Variants in PPARGC1A observed in about 807,000 individuals in gnomAD.
PPARGC1A encodes peroxisome proliferator-activated receptor gamma coactivator 1-alpha.
PPARGC1A carries 25 observed loss-of-function variants against 88.7 expected under a neutral mutation model. That is an observed-to-expected ratio of 0.28 (90% confidence interval 0.21 to 0.39). The LOEUF (loss-of-function observed/expected upper bound fraction) is 0.39. Among genes scored for constraint, PPARGC1A ranks in the 10% least tolerant of loss-of-function variants. The probability of loss-of-function intolerance (pLI) is 1.00; values close to 1 mark genes in which losing one functional copy is unlikely to be tolerated. For missense variants in PPARGC1A, 880 were observed against 968.7 expected, an observed-to-expected ratio of 0.91 and a Z score of 1.22; for synonymous variants, 363 against 355.6, an observed-to-expected ratio of 1.02 and a Z score of -0.24.
In PPARGC1A at chr4:23,867,301, G is replaced by A. The variant is rs1363032717; in HGVS notation, c.234+17451C>T. On this transcript the variant is annotated intron_variant, in intron 2 of 12. Coordinates refer to ENST00000264867, the MANE Select transcript of PPARGC1A (RefSeq NM_013261.5). ...ACTCCTGAAGGGAAAATTCTGTGTC[G>A]TAGGCATTATGTACTTAATACATCT... is the stretch of plus-strand genomic sequence containing the variant. Among the ~76,000 whole-genome samples, 7 of 152,136 alleles carry A rather than the reference G, an allele frequency of 4.6e-5. No individual in the cohort carries two copies. In the East Asian group the frequency reaches 5.8e-4, roughly 13 times the overall value.
At chr4:24,209,636 G>A in the PPARGC1A span, among the ~76,000 whole-genome samples, 29 of 152,156 alleles carry the variant, frequency 1.9e-4, no homozygotes, top group African/African-American at 6.0e-4. Context: ...ATGAACCTGT[G>A]CCCCTAACTT....
the PPARGC1A span, among the ~76,000 whole-genome samples, chr4:24,375,991 C>T: frequency 0.41 from 61,376 of 150,176 alleles, 13,134 homozygotes; most frequent in East Asian, 0.59. Flanking sequence ...AAATCATTTG[C>T]GTGGATTGTG....
At chr4:23,927,532 C>T in the PPARGC1A span, among the ~76,000 whole-genome samples, 349 of 152,150 alleles carry the variant, frequency 2.3e-3, no homozygotes, top group Middle Eastern at 6.8e-3. Context: ...CAAATTTAAG[C>T]TTGAGTTTTA....
the PPARGC1A span, among the ~76,000 whole-genome samples, chr4:23,974,038 G>C: frequency 6.6e-6 from 1 of 152,008 alleles, no homozygotes; most frequent in Non-Finnish European, 1.5e-5. Flanking sequence ...TCAAAGAGAG[G>C]GACTTCTGAT....
chr4:24,306,343 C>T, the PPARGC1A span, among the ~76,000 whole-genome samples: 1 of 151,950 alleles, frequency 6.6e-6, no homozygotes, highest in African/African-American at 2.4e-5. Flanking sequence ...AAGAAGGAAA[C>T]AGTTCAGTAC....
the PPARGC1A span, among the ~76,000 whole-genome samples, chr4:24,002,637 A>G: frequency 3.4e-5 from 5 of 148,638 alleles, no homozygotes; most frequent in Non-Finnish European, 7.4e-5. Flanking sequence ...CGATGACAAT[A>G]TTTTCCTAGC....
At chr4:23,829,388 A>G (rs925510076) in intron 4 of PPARGC1A, 75 bp downstream of exon 4, 12 of 1,513,006 alleles carry the variant, frequency 7.9e-6, no homozygotes, top group Middle Eastern at 1.9e-4. Context: ...AATACCTACA[A>G]ACTTATTTGT....
the PPARGC1A span, among the ~76,000 whole-genome samples, chr4:24,055,608 T>C: frequency 4.3e-4 from 65 of 152,234 alleles, no homozygotes; most frequent in Non-Finnish European, 7.5e-4. Flanking sequence ...GCAGAAAGAT[T>C]AAGAAAGCTA....
the PPARGC1A span, among the ~76,000 whole-genome samples, chr4:24,290,755 T>A: frequency 1.2e-4 from 18 of 151,938 alleles, 1 homozygote; most frequent in East Asian, 1.7e-3. Flanking sequence ...AAAAAAAAAA[T>A]TCAGTTAGTG....
At chr4:23,864,563 T>C (rs969362057) in intron 2 of PPARGC1A, among the ~76,000 whole-genome samples, 3 of 152,198 alleles carry the variant, frequency 2.0e-5, no homozygotes, top group Non-Finnish European at 2.9e-5. Context: ...AAGGAAATGA[T>C]GGAGGAAGAT....
At chr4:24,337,606 G>A in the PPARGC1A span, among the ~76,000 whole-genome samples, 2 of 149,920 alleles carry the variant, frequency 1.3e-5, no homozygotes, top group Non-Finnish European at 3.0e-5. Flanking sequence ...TAACATAACA[G>A]TTACTCTTTC....
At chr4:24,192,273 A>T in the PPARGC1A span, among the ~76,000 whole-genome samples, 1 of 152,164 alleles carries the variant, frequency 6.6e-6, no homozygotes, top group African/African-American at 2.4e-5. Context: ...CCATTTGCTC[A>T]CTGGTAACAG....
At chr4:23,928,292 G>C in the PPARGC1A span, among the ~76,000 whole-genome samples, 494 of 152,198 alleles carry the variant, frequency 3.2e-3, 2 homozygotes, top group African/African-American at 0.012. Context: ...AGGCTTCTAG[G>C]CTCTATTTCT....
the PPARGC1A span, among the ~76,000 whole-genome samples, chr4:23,913,283 G>T: frequency 2.1e-3 from 275 of 131,488 alleles, no homozygotes; most frequent in East Asian, 5.7e-3. Flanking sequence ...GAGAGAGAGA[G>T]AGAGAGAGAG....
chr4:23,951,498 T>C, the PPARGC1A span, among the ~76,000 whole-genome samples: 1 of 152,182 alleles, frequency 6.6e-6, no homozygotes, highest in Non-Finnish European at 1.5e-5. Context: ...CATCCCATGG[T>C]TTTTATTAAA....
intron 7 of PPARGC1A, among the ~76,000 whole-genome samples, chr4:23,815,659 C>T (rs183314247): frequency 9.3e-4 from 141 of 152,192 alleles, no homozygotes; most frequent in Admixed American, 3.6e-3. Flanking sequence ...CCCTACTCAT[C>T]CGTTTGTGCC....
chr4:24,082,006 T>C, the PPARGC1A span, among the ~76,000 whole-genome samples: 1 of 152,252 alleles, frequency 6.6e-6, no homozygotes, highest in East Asian at 1.9e-4. Context: ...AAAACTGAAA[T>C]ACACTTGATA....
At chr4:23,897,967 T>C (rs988303105) in intron 1 of PPARGC1A, among the ~76,000 whole-genome samples, 2 of 152,142 alleles carry the variant, frequency 1.3e-5, no homozygotes, top group African/African-American at 4.8e-5. Flanking sequence ...TTACAAGTGA[T>C]TTAGAAATGG....
At chr4:24,090,894 C>T in the PPARGC1A span, among the ~76,000 whole-genome samples, 1 of 152,166 alleles carries the variant, frequency 6.6e-6, no homozygotes, top group Non-Finnish European at 1.5e-5. Context: ...AACATTACTG[C>T]TTTGCACATT....
Sources: gnomAD v4.1 joint callset for allele counts (sites outside exome capture counted in the v4.1 genomes callset) on GRCh38, gnomAD v4.1.1 for gene constraint, MANE v1.5 for transcripts, NCBI Gene and HGNC (gene_info 2026-07-23, HGNC 2026-07-21) for gene names.